XKR9: variants seen among roughly 807,000 people sequenced by gnomAD.
XKR9 encodes XK related 9, also known as XK-related protein 9.
In XKR9, 32 loss-of-function variants were observed where a neutral mutation model predicts 32.0. That is an observed-to-expected ratio of 1.00 (90% confidence interval 0.76 to 1.34). XKR9 has a LOEUF of 1.34. XKR9 is among the 40% of genes most tolerant of loss of function. The pLI is 0.00. For synonymous variants in XKR9, 168 were observed against 143.4 expected (o/e 1.17, Z -1.22); for missense variants, 546 against 429.7 (o/e 1.27, Z -2.39).
intron 4 of XKR9, among the ~76,000 whole-genome samples, chr8:70,710,091 A>C (rs1805859519): frequency 6.6e-6 from 1 of 152,200 alleles, no homozygotes; most frequent in South Asian, 2.1e-4. Context: ...ATAAAAACAG[A>C]CATGTAGACC....
At chr8:70,701,052 C>G (rs932583058) in intron 3 of XKR9, among the ~76,000 whole-genome samples, 1 of 152,162 alleles carries the variant, frequency 6.6e-6, no homozygotes, top group Non-Finnish European at 1.5e-5. Context: ...GCGCAGTATT[C>G]GGGTGGGAGT....
At chr8:70,828,170 T>C in the XKR9 span, among the ~76,000 whole-genome samples, 2 of 152,140 alleles carry the variant, frequency 1.3e-5, no homozygotes, top group Admixed American at 1.3e-4. Flanking sequence ...TCATGGAAAA[T>C]TTTGAAAGCA....
chr8:70,859,625 G>C, the XKR9 span, among the ~76,000 whole-genome samples: 3 of 152,212 alleles, frequency 2.0e-5, no homozygotes, highest in South Asian at 2.1e-4. Context: ...ATAAAGTATG[G>C]TATATATACA....
At chr8:71,013,071 T>C in the XKR9 span, among the ~76,000 whole-genome samples, 1 of 151,978 alleles carries the variant, frequency 6.6e-6, no homozygotes, top group African/African-American at 2.4e-5. Context: ...TGTCATAAAG[T>C]GAGTGTTGTA....
chr8:71,036,555 G>A, the XKR9 span, among the ~76,000 whole-genome samples: 1 of 152,180 alleles, frequency 6.6e-6, no homozygotes, highest in East Asian at 1.9e-4. Flanking sequence ...TTTCCAGCTG[G>A]GTGAAACTGG....
the XKR9 span, among the ~76,000 whole-genome samples, chr8:70,952,468 C>T: frequency 6.6e-6 from 1 of 152,182 alleles, no homozygotes; most frequent in Non-Finnish European, 1.5e-5. Context: ...GCCTCCTTTT[C>T]CCTACCACAT....
At chr8:70,877,492 G>A in the XKR9 span, among the ~76,000 whole-genome samples, 4 of 152,058 alleles carry the variant, frequency 2.6e-5, no homozygotes, top group Admixed American at 2.6e-4. Context: ...GCTAATAAAG[G>A]TCAGAGCTAG....
chr8:70,932,791 C>T, the XKR9 span, among the ~76,000 whole-genome samples: 1 of 152,076 alleles, frequency 6.6e-6, no homozygotes, highest in African/African-American at 2.4e-5. Flanking sequence ...TAGGGCCCAC[C>T]CTTACAATCT....
At chr8:71,003,972 T>C in the XKR9 span, among the ~76,000 whole-genome samples, 184 of 152,282 alleles carry the variant, frequency 1.2e-3, no homozygotes, top group African/African-American at 4.3e-3. Context: ...TTTTGAAGTA[T>C]GACAAGTTTA....
At chr8:70,846,764 A>T in the XKR9 span, among the ~76,000 whole-genome samples, 1 of 152,210 alleles carries the variant, frequency 6.6e-6, no homozygotes, top group Middle Eastern at 3.4e-3. Context: ...ATTTAAATAA[A>T]AATAGTGAAA....
At chr8:70,683,623 G>A (rs1455330299) in intron 3 of XKR9, 4 of 426,656 alleles carry the variant, frequency 9.4e-6, no homozygotes, top group South Asian at 6.6e-5. Context: ...GAGTAGCTGG[G>A]ATTACAGGCA....
intron 3 of XKR9, among the ~76,000 whole-genome samples, chr8:70,705,189 A>C (rs756995902): frequency 2.6e-5 from 4 of 152,126 alleles, no homozygotes; most frequent in Non-Finnish European, 4.4e-5. Flanking sequence ...AAATGTCATG[A>C]GCTTTCATTT....
At chr8:71,020,837 A>G in the XKR9 span, among the ~76,000 whole-genome samples, 3 of 152,178 alleles carry the variant, frequency 2.0e-5, no homozygotes, top group Non-Finnish European at 4.4e-5. Flanking sequence ...CTACTTTGCT[A>G]TCAAACATTA....
At chr8:70,902,742 C>T in the XKR9 span, among the ~76,000 whole-genome samples, 3 of 152,178 alleles carry the variant, frequency 2.0e-5, no homozygotes, top group Non-Finnish European at 4.4e-5. Context: ...TTTGTCCATT[C>T]AGTATGATAT....
At chr8:70,730,105 A>G (rs1806612864) in intron 4 of XKR9, among the ~76,000 whole-genome samples, 1 of 152,182 alleles carries the variant, frequency 6.6e-6, no homozygotes, top group Non-Finnish European at 1.5e-5. Flanking sequence ...TAGTTTTCCA[A>G]ACAAGACCCA....
the XKR9 span, among the ~76,000 whole-genome samples, chr8:70,913,408 G>T: frequency 1.0e-3 from 158 of 152,196 alleles, 1 homozygote; most frequent in Middle Eastern, 6.8e-3. Flanking sequence ...AAAGGTACCA[G>T]TGAAGCATTA....
the XKR9 span, among the ~76,000 whole-genome samples, chr8:71,038,932 A>C: frequency 6.7e-6 from 1 of 149,154 alleles, no homozygotes; most frequent in Admixed American, 6.7e-5. Flanking sequence ...AGCCTCTCTG[A>C]GGCTGGGATT....
chr8:70,739,505 T>C (rs938038795), downstream of XKR9, among the ~76,000 whole-genome samples: 1 of 152,196 alleles, frequency 6.6e-6, no homozygotes, highest in Non-Finnish European at 1.5e-5. Flanking sequence ...TTTGATCCTG[T>C]CATTATGATG....
chr8:70,694,276 G>A (rs1482418951), intron 3 of XKR9, among the ~76,000 whole-genome samples: 3 of 152,156 alleles, frequency 2.0e-5, no homozygotes, highest in African/African-American at 7.2e-5. Flanking sequence ...CCACATTTTA[G>A]TAGAGCAGCT....
Sources: allele counts gnomAD v4.1 joint callset (sites outside exome capture counted in the v4.1 genomes callset), GRCh38; gene constraint gnomAD v4.1.1; transcripts MANE v1.5; gene names NCBI Gene and HGNC (gene_info 2026-07-23, HGNC 2026-07-21).